RTKN2: variants seen among roughly 807,000 people sequenced by gnomAD.
The protein encoded by RTKN2 is rhotekin-2.
In RTKN2, 69 loss-of-function variants were observed where a neutral mutation model predicts 71.5. The ratio of observed to expected loss-of-function variants is 0.96; its 90% CI spans 0.79 to 1.18. The LOEUF (loss-of-function observed/expected upper bound fraction) is 1.18, where lower values mean the gene tolerates loss of function less well. Among genes scored for constraint, RTKN2 ranks in the 50% most tolerant of loss-of-function variants. The probability of loss-of-function intolerance (pLI) is 0.00; values close to 1 mark genes in which losing one functional copy is unlikely to be tolerated. For synonymous variants in RTKN2, 236 were observed against 236.5 expected (o/e 1.00, Z 0.02); for missense variants, 724 against 719.7 (o/e 1.01, Z -0.07).
At chr10:62,211,508 T>C (rs1841657398) in intron 9 of RTKN2, among the ~76,000 whole-genome samples, 1 of 152,180 alleles carries the variant, frequency 6.6e-6, no homozygotes, top group Non-Finnish European at 1.5e-5. Context: ...TGTTTTCAAA[T>C]AATTTTTAAG....
intron 7 of RTKN2, among the ~76,000 whole-genome samples, chr10:62,218,899 T>C (rs1236693231): frequency 6.6e-6 from 1 of 152,094 alleles, no homozygotes; most frequent in Non-Finnish European, 1.5e-5. Context: ...GGCCGAAGAA[T>C]CGCTTGAGCC....
chr10:62,200,646 T>C (rs1345615159), intron 10 of RTKN2, among the ~76,000 whole-genome samples: 1 of 152,004 alleles, frequency 6.6e-6, no homozygotes, highest in Non-Finnish European at 1.5e-5. Context: ...AAAAATGGTT[T>C]TAACTATGAA....
At position 62,198,204 on chromosome 10, in the gene RTKN2, G is replaced by GT; in HGVS notation, c.1533dup (p.Leu512ThrfsTer10). ...CTCTGTGATTTTAAGCTGAATGGAA[G>GT]TTTATCAGAAGGAGGAAGGGGAGCT... On this transcript the variant is annotated frameshift_variant, in exon 12 of 12. Coordinates refer to ENST00000373789, the MANE Select transcript of RTKN2 (RefSeq NM_145307.4). LOFTEE classifies it high-confidence loss of function. 6.2e-7 allele frequency: 1 copy of GT among 1,614,050 alleles called. No homozygotes were observed. Among genetic ancestry groups the GT allele is most frequent in the Non-Finnish European group, 8.5e-7 (1 of 1,179,946 alleles).
Position 62,197,725 on chromosome 10 carries a change from CA to C in RTKN2, c.*182del. 2 of 1,406,630 alleles carry C rather than the reference CA, an allele frequency of 1.4e-6. No homozygotes were observed. The highest frequency in any genetic ancestry group is 1.8e-6 in the Non-Finnish European group (2 of 1,086,686). The allele number at this position is 1,406,630 out of a possible 1,614,324, so 87.1% of individuals were successfully genotyped here. ...TGCTGGAGAAATCACTTACATTCTG[CA>C]AATCAGGAGTAAAAGAGAAATCCAC... On this transcript the variant is annotated 3_prime_UTR_variant, in exon 12 of 12. Transcript: ENST00000373789.
At chr10:62,211,852 G>A (rs1841665551) in intron 9 of RTKN2, among the ~76,000 whole-genome samples, 1 of 151,966 alleles carries the variant, frequency 6.6e-6, no homozygotes, top group Admixed American at 6.6e-5. Flanking sequence ...TTTTAGTAGA[G>A]ATGAGGTTTC....
At position 62,262,779 on chromosome 10, in the gene RTKN2, G is replaced by A. The variant is rs201666339; in HGVS notation, c.103C>T (p.Arg35Ter). The A allele has an allele frequency of 9.9e-6, 16 of 1,610,150 alleles. No individual in the cohort carries two copies. The highest frequency in any genetic ancestry group is 7.8e-5 in the South Asian group (7 of 90,060). Residue 35 changes from arginine to a stop codon, truncating the protein, a stop_gained, in exon 2 of 12, where the codon CGA becomes TGA. Coordinates refer to ENST00000373789, the MANE Select transcript of RTKN2 (RefSeq NM_145307.4). LOFTEE classifies it high-confidence loss of function. ...QEKIDLEIRMREGIWKLLSLS... is the reference protein window; with the variant it reads ...QEKIDLEIRM Reference sequence around the variant, plus strand: ...GAAAGGAGTTTCCATATTCCTTCTCGCATTCGAATTTCTAAGTCTATTTTT... The same window carrying A: ...GAAAGGAGTTTCCATATTCCTTCTCACATTCGAATTTCTAAGTCTATTTTT...
At position 62,262,815 on chromosome 10, in the gene RTKN2, T is replaced by C; in HGVS notation, c.67A>G (p.Asn23Asp). The C allele has an allele frequency of 6.2e-7, 1 of 1,601,014 alleles. No individual in the cohort carries two copies. The highest frequency in any genetic ancestry group is 8.5e-7 in the Non-Finnish European group (1 of 1,173,672). ...TCTAAGTCTATTTTTTCTTGAATGT[T>C]GCAGTCCTAAAAAAAAAATGCATCT... ...LAGLPTQQDC[N>D]IQEKIDLEIR... Residue 23 changes from asparagine to aspartate, a missense_variant, in exon 2 of 12, where the codon AAC becomes GAC. Transcript: ENST00000373789.
chr10:62,198,404 A>G lies in RTKN2; in HGVS notation c.1334T>C (p.Ile445Thr), dbSNP rs1841375606. ...SPMKLESLTDIIQKKIEETNG... is the reference protein window; with the variant it reads ...SPMKLESLTDTIQKKIEETNG... ...TGTCTCTTCAATTTTTTTTTGTATT[A>G]TATCCGTTAAACTTTCAAGTTTCAT... Residue 445 changes from isoleucine (I) to threonine (T), a missense_variant, in exon 12 of 12, where the codon ATA becomes ACA. Transcript: ENST00000373789. The G allele has an allele frequency of 6.3e-7, 1 of 1,575,078 alleles. No homozygotes were observed. The highest frequency in any genetic ancestry group is 1.9e-5 in the Admixed American group (1 of 51,620).
At chr10:62,232,924 G>C (rs1360597049) in intron 6 of RTKN2, among the ~76,000 whole-genome samples, 3 of 150,736 alleles carry the variant, frequency 2.0e-5, no homozygotes, top group Non-Finnish European at 4.4e-5. Context: ...CAAAAACTCA[G>C]AGTAAATTAA....
At chr10:62,227,552 G>C (rs185338722) in intron 6 of RTKN2, among the ~76,000 whole-genome samples, 49 of 152,288 alleles carry the variant, frequency 3.2e-4, no homozygotes, top group African/African-American at 1.1e-3. Flanking sequence ...AGGTAAGTAG[G>C]GGGCAGACAG....
At chr10:62,233,181 TAA>T (rs1842186772) in intron 6 of RTKN2, among the ~76,000 whole-genome samples, 1 of 152,184 alleles carries the variant, frequency 6.6e-6, no homozygotes, top group Admixed American at 6.5e-5. Context: ...TGTAGTTGGA[TAA>T]AAGACACTAC....
chr10:62,188,433 TC>T (rs1841169021), downstream of RTKN2, among the ~76,000 whole-genome samples: 1 of 152,156 alleles, frequency 6.6e-6, no homozygotes, highest in Non-Finnish European at 1.5e-5. Flanking sequence ...TCCATTATAT[TC>T]TCTGAGTTAG....
chr10:62,195,259 A>C lies in RTKN2; in HGVS notation c.*2649T>G, dbSNP rs1185243017. 2 of 982,956 alleles carry C rather than the reference A, an allele frequency of 2.0e-6. No homozygotes were observed. The highest frequency in any genetic ancestry group is 1.1e-4 in the East Asian group (1 of 8,818). 60.9% of individuals were successfully genotyped at this position (982,956 alleles called of 1,614,324 possible). ...GAGCTGACAGCTAACTCTTTGTTTC[A>C]AGTTTATAGTCTTCATATATCAAGA... On this transcript the variant is annotated 3_prime_UTR_variant, in exon 12 of 12. Transcript: ENST00000373789.
intron 5 of RTKN2, chr10:62,238,341 C>A (rs1354776991): frequency 6.6e-6 from 1 of 151,822 alleles, no homozygotes; most frequent in East Asian, 1.9e-4. Flanking sequence ...ATTTTTAGTA[C>A]AATTTAAAAT....
downstream of RTKN2, among the ~76,000 whole-genome samples, chr10:62,189,409 TAACA>T (rs1021647060): frequency 3.9e-5 from 6 of 152,362 alleles, no homozygotes; most frequent in African/African-American, 1.4e-4. Context: ...AAGGCCATTC[TAACA>T]AGCTAGGAGA....
chr10:62,185,484 CG>C (rs1345536881), intron 8 of RTKN2, among the ~76,000 whole-genome samples: 1 of 151,978 alleles, frequency 6.6e-6, no homozygotes, highest in Admixed American at 6.6e-5. Context: ...GGTGTGGTGG[CG>C]GGCACCTGTA....
intron 3 of RTKN2, among the ~76,000 whole-genome samples, chr10:62,243,492 A>G (rs1294852839): frequency 6.6e-6 from 1 of 151,914 alleles, no homozygotes; most frequent in African/African-American, 2.4e-5. Context: ...TATTTACACT[A>G]TCATGGGAGG....
chr10:62,219,241 G>C (rs1841849684), intron 7 of RTKN2, among the ~76,000 whole-genome samples: 1 of 67,466 alleles, frequency 1.5e-5, no homozygotes, highest in Non-Finnish European at 3.4e-5. Context: ...AGCACCTGAA[G>C]GGCCTGAGAG....
At chr10:62,219,779 C>G (rs1344415153) in intron 7 of RTKN2, among the ~76,000 whole-genome samples, 1 of 151,602 alleles carries the variant, frequency 6.6e-6, no homozygotes, top group African/African-American at 2.4e-5. Flanking sequence ...CGATACCCAT[C>G]TCTAATTAAA....
Sources: allele counts gnomAD v4.1 joint callset (sites outside exome capture counted in the v4.1 genomes callset), GRCh38; gene constraint gnomAD v4.1.1; transcripts MANE v1.5; gene names NCBI Gene and HGNC (gene_info 2026-07-23, HGNC 2026-07-21).